Variants in JAZF1 observed in about 807,000 individuals in gnomAD.
JAZF1 encodes JAZF zinc finger 1, also known as juxtaposed with another zinc finger protein 1.
A neutral mutation model predicts 26.4 loss-of-function variants in JAZF1; 8 were observed. That is an observed-to-expected ratio of 0.30 (90% CI 0.18 to 0.55). JAZF1 has a LOEUF of 0.55. Ranked by LOEUF, JAZF1 falls within the 20% of genes least tolerant of loss-of-function variation. The probability of loss-of-function intolerance (pLI) is 0.94; values close to 1 mark genes in which losing one functional copy is unlikely to be tolerated. For synonymous variants in JAZF1, 126 were observed against 122.3 expected, an observed-to-expected ratio of 1.03 and a Z score of -0.20; for missense variants, 199 against 322.0, an observed-to-expected ratio of 0.62 and a Z score of 2.92.
At chr7:28,024,874 G>C (rs954515909) in intron 1 of JAZF1, among the ~76,000 whole-genome samples, 1 of 152,204 alleles carries the variant, frequency 6.6e-6, no homozygotes. Context: ...GGTGCTCTCT[G>C]TATTGCTTGA....
At chr7:28,003,740 C>A (rs567681913) in intron 1 of JAZF1, among the ~76,000 whole-genome samples, 21 of 152,124 alleles carry the variant, frequency 1.4e-4, no homozygotes, top group Non-Finnish European at 3.1e-4. Flanking sequence ...GCTCTGACAT[C>A]ATGCATCACA....
At chr7:27,894,009 G>A (rs1214358816) in intron 3 of JAZF1, among the ~76,000 whole-genome samples, 1 of 152,174 alleles carries the variant, frequency 6.6e-6, no homozygotes, top group African/African-American at 2.4e-5. Context: ...CTGTGGTTTA[G>A]CTTTATGTAA....
intron 2 of JAZF1, among the ~76,000 whole-genome samples, chr7:27,910,286 T>C (rs1264417349): frequency 6.6e-6 from 1 of 152,222 alleles, no homozygotes; most frequent in Admixed American, 6.5e-5. Flanking sequence ...CCTAGCCACC[T>C]TTCCCCTACA....
At chr7:27,905,499 G>A (rs1262629186) in intron 2 of JAZF1, among the ~76,000 whole-genome samples, 1 of 150,810 alleles carries the variant, frequency 6.6e-6, no homozygotes, top group Non-Finnish European at 1.5e-5. Flanking sequence ...AAAGATAAAA[G>A]GTGATCTTTC....
At chr7:27,834,152 A>C (rs1782761980) in intron 4 of JAZF1, among the ~76,000 whole-genome samples, 1 of 152,240 alleles carries the variant, frequency 6.6e-6, no homozygotes, top group Admixed American at 6.5e-5. Context: ...AAGAGCTCCC[A>C]GAAAACAGCT....
intron 1 of JAZF1, among the ~76,000 whole-genome samples, chr7:28,170,585 T>G (rs1233693227): frequency 1.3e-5 from 2 of 152,180 alleles, no homozygotes; most frequent in Non-Finnish European, 2.9e-5. Flanking sequence ...TCATGCACCC[T>G]CCTGTCCTAC....
chr7:27,851,759 C>A (rs1783155000), intron 3 of JAZF1, among the ~76,000 whole-genome samples: 1 of 152,146 alleles, frequency 6.6e-6, no homozygotes, highest in Non-Finnish European at 1.5e-5. Flanking sequence ...CTAAATTTAG[C>A]CTATTACACA....
chr7:28,005,961 G>A (rs1782693504), intron 1 of JAZF1, among the ~76,000 whole-genome samples: 1 of 151,814 alleles, frequency 6.6e-6, no homozygotes, highest in Admixed American at 6.6e-5. Flanking sequence ...CTTTCTGTGT[G>A]ACTTGAGCAA....
At chr7:28,113,760 G>A (rs2127934459) in intron 1 of JAZF1, among the ~76,000 whole-genome samples, 1 of 152,268 alleles carries the variant, frequency 6.6e-6, no homozygotes, top group South Asian at 2.1e-4. Context: ...GCCACTGAAG[G>A]TACTGTACTT....
At chr7:28,076,488 G>C (rs1784053265) in intron 1 of JAZF1, among the ~76,000 whole-genome samples, 1 of 152,152 alleles carries the variant, frequency 6.6e-6, no homozygotes, top group South Asian at 2.1e-4. Context: ...CTCCTCCCAT[G>C]ACTGGCTTTG....
At chr7:27,983,283 C>T (rs879089669) in intron 2 of JAZF1, among the ~76,000 whole-genome samples, 1 of 152,062 alleles carries the variant, frequency 6.6e-6, no homozygotes, top group Non-Finnish European at 1.5e-5. Flanking sequence ...AACCATGGCA[C>T]GAGAACTACG....
In JAZF1 at chr7:27,984,406, A is replaced by G. The variant is rs1785654624; in HGVS notation, c.188+7503T>C. On this transcript the variant is annotated intron_variant, in intron 2 of 4. Transcript: ENST00000283928. ...ATCAATTCAACAAGAAGAGCTAACTATCCTAAATATATAGGCACCCAATAC... is the reference window on the plus strand; with the variant it reads ...ATCAATTCAACAAGAAGAGCTAACTGTCCTAAATATATAGGCACCCAATAC... 4.6e-5 allele frequency among the ~76,000 whole-genome samples: 7 copies of G among 152,350 alleles called. 1 individual carries two copies. In the South Asian group the frequency reaches 1.5e-3, roughly 32 times the overall value.
intron 1 of JAZF1, among the ~76,000 whole-genome samples, chr7:28,022,957 G>A (rs1783031575): frequency 2.6e-5 from 4 of 152,170 alleles, no homozygotes; most frequent in African/African-American, 9.7e-5. Context: ...AAGCTGTGCT[G>A]GATGTCAGGC....
chr7:27,885,857 T>C (rs1373474204), intron 3 of JAZF1, among the ~76,000 whole-genome samples: 1 of 152,156 alleles, frequency 6.6e-6, no homozygotes, highest in Non-Finnish European at 1.5e-5. Flanking sequence ...AGACCAAAAA[T>C]AAACATGCAC....
At chr7:28,041,142 A>G (rs1783383540) in intron 1 of JAZF1, among the ~76,000 whole-genome samples, 1 of 152,198 alleles carries the variant, frequency 6.6e-6, no homozygotes, top group Admixed American at 6.5e-5. Context: ...GGAGAACGTA[A>G]GAGCAAAAGG....
At chr7:28,116,002 C>T (rs984580454) in intron 1 of JAZF1, among the ~76,000 whole-genome samples, 3 of 152,106 alleles carry the variant, frequency 2.0e-5, no homozygotes, top group Non-Finnish European at 4.4e-5. Flanking sequence ...AAATGCTGCA[C>T]AATATTCCAT....
rs1222527567 is a variant in JAZF1 at position 27,840,830 on chromosome 7, C to T, written c.423G>A (p.Glu141=). The T allele has an allele frequency of 5.0e-6, 8 of 1,614,082 alleles. No homozygotes were observed. Among genetic ancestry groups the T allele is most frequent in the East Asian group, 4.5e-5 (2 of 44,892 alleles). ...TGGTCCAGGACTCATCGCTGTCCGACTCCTCATAGTCCACCTCCTCCTCGT... is the reference window on the plus strand; with the variant it reads ...TGGTCCAGGACTCATCGCTGTCCGATTCCTCATAGTCCACCTCCTCCTCGT... ...EYDEEEVDYE[E]SDSDESWTTE... is the part of the protein sequence containing the mutation. Residue 141 remains glutamate (E), a synonymous_variant, in exon 4 of 5, where the codon GAG becomes GAA. Coordinates refer to ENST00000283928, the MANE Select transcript of JAZF1 (RefSeq NM_175061.4). This position sits in a 1 kb window ranked among gnomAD's most constrained non-coding sequence, Gnocchi z 5.1.
chr7:27,939,530 A>T (rs1033203188), intron 2 of JAZF1, among the ~76,000 whole-genome samples: 3 of 152,148 alleles, frequency 2.0e-5, no homozygotes, highest in Admixed American at 2.0e-4. Context: ...CTGGGGTGAG[A>T]TGGCCCCTGT....
In JAZF1 at chr7:27,832,981, G is replaced by A; in HGVS notation, c.556-5C>T. ...ATACTTTATGCCATTCACATTCTGTGGAGAAGACAAAAATATTTATTACAT... is the reference window on the plus strand; with the variant it reads ...ATACTTTATGCCATTCACATTCTGTAGAGAAGACAAAAATATTTATTACAT... On this transcript the variant is annotated splice_region_variant and splice_polypyrimidine_tract_variant and intron_variant, in intron 4 of 4. Transcript: ENST00000283928. The A allele has an allele frequency of 6.5e-7, 1 of 1,547,484 alleles. No individual in the cohort carries two copies. Among genetic ancestry groups the A allele is most frequent in the South Asian group, 1.2e-5 (1 of 82,900 alleles).
Sources: allele counts gnomAD v4.1 joint callset (sites outside exome capture counted in the v4.1 genomes callset), GRCh38; gene constraint gnomAD v4.1.1; non-coding constraint Gnocchi (gnomAD v3.1); transcripts MANE v1.5; gene names NCBI Gene and HGNC (gene_info 2026-07-23, HGNC 2026-07-21).